Variants in ITIH5 observed in about 807,000 individuals in gnomAD.
The protein encoded by ITIH5 is inter-alpha-trypsin inhibitor heavy chain H5.
A neutral mutation model predicts 77.5 loss-of-function variants in ITIH5; 65 were observed. That is an observed-to-expected ratio of 0.84 (90% CI 0.69 to 1.03). The LOEUF (loss-of-function observed/expected upper bound fraction) is 1.03, where lower values mean the gene tolerates loss of function less well. Among genes scored for constraint, ITIH5 ranks in the 50% least tolerant of loss-of-function variants. The pLI is 0.00. For synonymous variants in ITIH5, 525 were observed against 494.3 expected, an observed-to-expected ratio of 1.06 and a Z score of -0.82; for missense variants, 1,208 against 1,213.1, an observed-to-expected ratio of 1.00 and a Z score of 0.06.
intron 8 of ITIH5, 78 bp from the exon 9 acceptor site, chr10:7,580,142 A>G: frequency 7.8e-7 from 1 of 1,278,494 alleles, no homozygotes; most frequent in South Asian, 1.4e-5. Context: ...TTTTTTTGAG[A>G]CGGAGTCTTG....
At position 7,562,616 on chromosome 10, in the gene ITIH5, G is replaced by A. The variant is rs1405609091; in HGVS notation, c.*467C>T. On this transcript the variant is annotated 3_prime_UTR_variant, in exon 14 of 14. Transcript: ENST00000397146. The stretch of plus-strand genomic sequence containing the variant: ...AGCAGAGGTTGGCCACACATCTGGG[G>A]GCTGCAACACCACTGAAAAGACAGC... The A allele has an allele frequency of 1.1e-5, 2 of 175,594 alleles. No individual in the cohort carries two copies. Among genetic ancestry groups the A allele is most frequent in the East Asian group, 2.9e-4 (2 of 6,934 alleles). 10.9% of individuals were successfully genotyped at this position (175,594 alleles called of 1,614,324 possible). A position where few individuals can be genotyped will look rare whatever the true frequency, so the allele number is the denominator to read the frequency against.
intron 7 of ITIH5, among the ~76,000 whole-genome samples, chr10:7,597,905 ATT>A (rs57906694): frequency 0.11 from 15,849 of 150,074 alleles, 1,026 homozygotes; most frequent in Admixed American, 0.18. Flanking sequence ...AAATAATCAG[ATT>A]TTTTTTTTTT....
chr10:7,664,023 A>G (rs1005524110), intron 1 of ITIH5, among the ~76,000 whole-genome samples: 1 of 152,246 alleles, frequency 6.6e-6, no homozygotes, highest in African/African-American at 2.4e-5. Context: ...AACAAAACAG[A>G]TAAGTCTGTA....
At chr10:7,650,983 G>A (rs761413319) in intron 2 of ITIH5, among the ~76,000 whole-genome samples, 6 of 49,310 alleles carry the variant, frequency 1.2e-4, no homozygotes, top group Non-Finnish European at 2.2e-4. Flanking sequence ...CCCCTCCCCC[G>A]CCCCATTCTA....
chr10:7,637,251 T>TA lies in ITIH5; in HGVS notation c.628_629insT (p.Gln210LeufsTer10). ...ACCTTCCCCGCGCCCACTGCCCCTCTGCCTGCTGTTGTGAAGCGGCAGCAC... is the reference window on the plus strand; with the variant it reads ...ACCTTCCCCGCGCCCACTGCCCCTCTAGCCTGCTGTTGTGAAGCGGCAGCAC... On this transcript the variant is annotated frameshift_variant, in exon 5 of 14. Coordinates refer to ENST00000397146, the MANE Select transcript of ITIH5 (RefSeq NM_030569.7). LOFTEE classifies it high-confidence loss of function. The TA allele has an allele frequency of 6.2e-7, 1 of 1,609,988 alleles. No homozygotes were observed. The highest frequency in any genetic ancestry group is 8.5e-7 in the Non-Finnish European group (1 of 1,179,958).
chr10:7,662,340 G>A (rs926925506), intron 1 of ITIH5, among the ~76,000 whole-genome samples: 1 of 151,334 alleles, frequency 6.6e-6, no homozygotes, highest in Non-Finnish European at 1.5e-5. Flanking sequence ...CTGGGCAACA[G>A]AGTGAGACTG....
chr10:7,655,644 A>G lies in ITIH5; in HGVS notation c.122T>C (p.Leu41Pro). 6.2e-7 allele frequency: 1 copy of G among 1,613,060 alleles called. No homozygotes were observed. Among genetic ancestry groups the G allele is most frequent in the Non-Finnish European group, 8.5e-7 (1 of 1,179,044 alleles). The stretch of plus-strand genomic sequence containing the variant: ...GAATATACCTACCAGCCTCTGCAAC[A>G]GTCTGACTTGCCTCGGGACCCTGAG... ...DGLRVPRQVRLLQRLKTKPLM... is the reference protein window; with the variant it reads ...DGLRVPRQVRPLQRLKTKPLM... Residue 41 changes from leucine (L) to proline (P), a missense_variant, in exon 2 of 14, where the codon CTG (leucine) becomes CCG (proline). Transcript: ENST00000397146.
In ITIH5 at chr10:7,588,284, C is replaced by T. The variant is rs539862525; in HGVS notation, c.940-2215G>A. On this transcript the variant is annotated intron_variant, in intron 7 of 13. Transcript: ENST00000397146. ...GTGTAATCTCAGCACTTTGGGAGGCCGAGGTGGGTAGATCACTTGAGGTGA... is the reference window on the plus strand; with the variant it reads ...GTGTAATCTCAGCACTTTGGGAGGCTGAGGTGGGTAGATCACTTGAGGTGA... Among the ~76,000 whole-genome samples the T allele has an allele frequency of 2.6e-5, 4 of 152,068 alleles. No homozygotes were observed. In the South Asian group the frequency reaches 8.3e-4, roughly 32 times the overall value.
rs753769934 is a variant in ITIH5 at position 7,562,847 on chromosome 10, T to TGGGGAGAGGC, written c.*226_*235dup. Reference sequence around the variant, plus strand: ...CTCCCCTCTGTGGATGTGGGCAGGGTGGGGAGAGGCAGGAAGAGGCAGTAG... The same window carrying TGGGGAGAGGC: ...CTCCCCTCTGTGGATGTGGGCAGGGTGGGGAGAGGCGGGGAGAGGCAGGAAGAGGCAGTAG... On this transcript the variant is annotated 3_prime_UTR_variant, in exon 14 of 14. Transcript: ENST00000397146. The TGGGGAGAGGC allele has an allele frequency of 8.1e-5, 47 of 581,354 alleles. No homozygotes were observed. The highest frequency in any genetic ancestry group is 6.1e-4 in the Admixed American group (21 of 34,494). 36.0% of individuals were successfully genotyped at this position (581,354 alleles called of 1,614,324 possible). A position where few individuals can be genotyped will look rare whatever the true frequency, so the allele number is the denominator to read the frequency against.
At chr10:7,648,826 T>C (rs1834046631) in intron 2 of ITIH5, among the ~76,000 whole-genome samples, 1 of 152,224 alleles carries the variant, frequency 6.6e-6, no homozygotes, top group African/African-American at 2.4e-5. Context: ...ATACCTTAAA[T>C]TAAGTGTATA....
At position 7,565,701 on chromosome 10, in the gene ITIH5, CATATATA is replaced by C. The variant is rs1261356683; in HGVS notation, c.2527+322_2527+328del. On this transcript the variant is annotated intron_variant, in intron 13 of 13. Coordinates refer to ENST00000397146, the MANE Select transcript of ITIH5 (RefSeq NM_030569.7). Reference sequence around the variant, plus strand: ...CATATACACATACATATACAGACTGCATATATAATATATATTATGTATTTATATAGAG... The same window carrying C: ...CATATACACATACATATACAGACTGCATATATATTATGTATTTATATAGAG... 4.0e-5 allele frequency among the ~76,000 whole-genome samples: 6 copies of C among 148,444 alleles called. No homozygotes were observed. In the South Asian group the frequency reaches 1.1e-3, roughly 26 times the overall value.
At chr10:7,569,468 G>C in intron 12 of ITIH5, 200 bp downstream of exon 12, 1 of 434,302 alleles carries the variant, frequency 2.3e-6, no homozygotes, top group Non-Finnish European at 4.1e-6. Flanking sequence ...ATGTGCCCAA[G>C]GTCACACGGC....
intron 5 of ITIH5, among the ~76,000 whole-genome samples, chr10:7,626,343 C>T (rs1387056250): frequency 6.6e-6 from 1 of 152,196 alleles, no homozygotes; most frequent in African/African-American, 2.4e-5. Context: ...GTTGACCGAG[C>T]CACAGCCAAC....
At chr10:7,644,389 CATATATCACATATATCACATATATCAT>C (rs1564277241) in intron 2 of ITIH5, among the ~76,000 whole-genome samples, 6 of 119,218 alleles carry the variant, frequency 5.0e-5, no homozygotes, top group East Asian at 5.3e-4. Context: ...ACATATATCA[CATATATCACATATATCACATATATCAT>C]ATATATCACA....
chr10:7,630,679 G>T (rs968301384), intron 5 of ITIH5, among the ~76,000 whole-genome samples: 1 of 152,082 alleles, frequency 6.6e-6, no homozygotes, highest in East Asian at 1.9e-4. Context: ...ATCCTTTTGT[G>T]GTTGAGTTGT....
intron 2 of ITIH5, among the ~76,000 whole-genome samples, chr10:7,647,089 G>T (rs1229029408): frequency 1.3e-5 from 2 of 152,110 alleles, no homozygotes; most frequent in South Asian, 4.1e-4. Flanking sequence ...TACATTTTAT[G>T]GATGCATTAA....
chr10:7,601,955 C>T (rs945545403), intron 7 of ITIH5, among the ~76,000 whole-genome samples: 4 of 152,092 alleles, frequency 2.6e-5, no homozygotes, highest in Non-Finnish European at 5.9e-5. Flanking sequence ...CACGTTCAAG[C>T]GATTCCCATG....
rs553429640 is a variant in ITIH5 at position 7,588,963 on chromosome 10, C to T, written c.940-2894G>A. Among the ~76,000 whole-genome samples the T allele has an allele frequency of 3.3e-5, 5 of 152,232 alleles. No homozygotes were observed. The South Asian group carries it at 6.2e-4, about 19-fold the overall frequency. On this transcript the variant is annotated intron_variant, in intron 7 of 13. Transcript: ENST00000397146. ...AGGGAGTCTGACTTCAGGGACAGCA[C>T]GTGCACCAACGGCAGCAGAATCTGC...
In ITIH5 at chr10:7,602,940, C is replaced by T. The variant is rs189785795; in HGVS notation, c.939+13042G>A. Among the ~76,000 whole-genome samples the T allele has an allele frequency of 2.0e-3, 306 of 152,288 alleles. 2 individuals are homozygous for T. Among genetic ancestry groups the T allele is most frequent in the Non-Finnish European group, 3.6e-3 (246 of 68,022 alleles). Reference sequence around the variant, plus strand: ...GGCACATGCTCTCATTCCATGCAGGCTCCCCGTGTCTCATAGCTTCCGTGT... The same window carrying T: ...GGCACATGCTCTCATTCCATGCAGGTTCCCCGTGTCTCATAGCTTCCGTGT... On this transcript the variant is annotated intron_variant, in intron 7 of 13. Transcript: ENST00000397146.
Sources: allele counts gnomAD v4.1 joint callset (sites outside exome capture counted in the v4.1 genomes callset), GRCh38; gene constraint gnomAD v4.1.1; transcripts MANE v1.5; gene names NCBI Gene and HGNC (gene_info 2026-07-23, HGNC 2026-07-21).